Variants in KCNJ12 observed in about 807,000 individuals in gnomAD.
The protein encoded by KCNJ12 is ATP-sensitive inward rectifier potassium channel 12.
In KCNJ12, 2 loss-of-function variants were observed where a neutral mutation model predicts 22.3. The observed-to-expected ratio is 0.09, with a 90% CI of 0.04 to 0.28. The LOEUF is 0.28. Ranked by LOEUF, KCNJ12 falls within the 10% of genes least tolerant of loss-of-function variation. The pLI is 1.00. For synonymous variants in KCNJ12, 117 were observed against 261.4 expected (o/e 0.45, Z 5.33); for missense variants, 155 against 633.3 (o/e 0.24, Z 8.11).
chr17:21,386,979 A>T (rs534454898), intron 1 of KCNJ12, among the ~76,000 whole-genome samples: 1 of 152,312 alleles, frequency 6.6e-6, no homozygotes, highest in African/African-American at 2.4e-5. Flanking sequence ...CTCATGGCCA[A>T]CCCAGATATG....
chr17:21,406,579 C>G (rs1308613509), intron 1 of KCNJ12, among the ~76,000 whole-genome samples: 1 of 152,308 alleles, frequency 6.6e-6, no homozygotes, highest in Non-Finnish European at 1.5e-5. Flanking sequence ...ACTGAAGGGC[C>G]ACTAGAGACC....
In KCNJ12 at chr17:21,418,952, TGCTCTTAC is replaced by T. The variant is rs1906996300; in HGVS notation, c.*2309_*2316del. 6.0e-6 allele frequency: 1 copy of T among 166,834 alleles called. No homozygotes were observed. Among genetic ancestry groups the T allele is most frequent in the African/African-American group, 2.4e-5 (1 of 41,430 alleles). 10.3% of individuals were successfully genotyped at this position (166,834 alleles called of 1,614,324 possible). On this transcript the variant is annotated 3_prime_UTR_variant, in exon 3 of 3. Coordinates refer to ENST00000583088, the MANE Select transcript of KCNJ12 (RefSeq NM_021012.5). ...ACCTCCTGGCCCTCTTGGAGGTCTG[TGCTCTTAC>T]CTCCCAGCCCCCACCCTGCGGGAGA...
chr17:21,415,283 G>T lies in KCNJ12; in HGVS notation c.-56-4G>T. On this transcript the variant is annotated splice_polypyrimidine_tract_variant and splice_region_variant and intron_variant, in intron 2 of 2. Coordinates refer to ENST00000583088, the MANE Select transcript of KCNJ12 (RefSeq NM_021012.5). Reference sequence around the variant, plus strand: ...AGCCAGACATGCTGTCGTCTCTGTTGCAGGAGCCGCCCTGCCTGGAGCTAG... The same window carrying T: ...AGCCAGACATGCTGTCGTCTCTGTTTCAGGAGCCGCCCTGCCTGGAGCTAG... The T allele has an allele frequency of 3.2e-6, 5 of 1,567,522 alleles. No homozygotes were observed. The South Asian group carries it at 5.7e-5, about 18-fold the overall frequency.
chr17:21,398,189 A>G (rs1196760619), intron 1 of KCNJ12, among the ~76,000 whole-genome samples: 1 of 152,040 alleles, frequency 6.6e-6, no homozygotes, highest in Admixed American at 6.5e-5. Context: ...CCCCACACAA[A>G]TGTGGGCATG....
chr17:21,416,675 C>T lies in KCNJ12; in HGVS notation c.*31C>T, dbSNP rs782145049. ...CCTTGGCCGACATGCAGCATCCACCCCCGGCTGGGGAGAGGCCCCGCGGTC... is the reference window on the plus strand; with the variant it reads ...CCTTGGCCGACATGCAGCATCCACCTCCGGCTGGGGAGAGGCCCCGCGGTC... On this transcript the variant is annotated 3_prime_UTR_variant, in exon 3 of 3. Transcript: ENST00000583088. 7 of 1,555,870 alleles carry T rather than the reference C, an allele frequency of 4.5e-6. No homozygotes were observed. Among genetic ancestry groups the T allele is most frequent in the Admixed American group, 1.9e-5 (1 of 52,232 alleles).
chr17:21,392,071 T>C (rs1225078467), intron 1 of KCNJ12, among the ~76,000 whole-genome samples: 1 of 152,220 alleles, frequency 6.6e-6, no homozygotes, highest in Non-Finnish European at 1.5e-5. Context: ...GTGGGGACTT[T>C]GGGCTCCTGG....
At chr17:21,412,715 G>A (rs1313387981) in intron 2 of KCNJ12, among the ~76,000 whole-genome samples, 41 of 152,268 alleles carry the variant, frequency 2.7e-4, no homozygotes, top group African/African-American at 8.7e-4. Flanking sequence ...GCTCCTCAGC[G>A]TCATGGTGAG....
At chr17:21,394,965 A>G (rs1450335328) in intron 1 of KCNJ12, among the ~76,000 whole-genome samples, 1 of 152,206 alleles carries the variant, frequency 6.6e-6, no homozygotes, top group Non-Finnish European at 1.5e-5. Flanking sequence ...CATGGGATCC[A>G]TGGGCTGCTT....
chr17:21,394,745 G>T (rs1254385537), intron 1 of KCNJ12, among the ~76,000 whole-genome samples: 1 of 152,186 alleles, frequency 6.6e-6, no homozygotes, highest in Non-Finnish European at 1.5e-5. Flanking sequence ...AGAAACCCTG[G>T]CATAGGCACC....
intron 1 of KCNJ12, among the ~76,000 whole-genome samples, chr17:21,377,263 C>T (rs1375391978): frequency 6.6e-6 from 1 of 151,964 alleles, no homozygotes; most frequent in Non-Finnish European, 1.5e-5. Flanking sequence ...AGGGAGCGTG[C>T]GGAAGCACTC....
At chr17:21,393,115 G>A (rs1257388137) in intron 1 of KCNJ12, among the ~76,000 whole-genome samples, 1 of 152,144 alleles carries the variant, frequency 6.6e-6, no homozygotes, top group East Asian at 1.9e-4. Flanking sequence ...GCTCTCCCTT[G>A]CCCTCCCCTG....
intron 1 of KCNJ12, among the ~76,000 whole-genome samples, chr17:21,387,302 C>T (rs1409321976): frequency 2.9e-5 from 4 of 136,742 alleles, no homozygotes; most frequent in Admixed American, 1.5e-4. Flanking sequence ...ATTAGCCGGG[C>T]GTGGTGGCAG....
At chr17:21,408,426 A>T (rs1467679951) in intron 1 of KCNJ12, 93 bp from the exon 2 acceptor site, 1 of 152,464 alleles carries the variant, frequency 6.6e-6, no homozygotes, top group East Asian at 1.9e-4. Flanking sequence ...AGTGAGCAGA[A>T]ATGTGGTTTC....
chr17:21,416,276 GC>G lies in KCNJ12; in HGVS notation c.937del (p.Arg313AlafsTer51). Reference protein sequence around the residue: ...MVEATAMTTQARSSYLANEIL... With the variant: ...MVEATAMTTQXRSSYLANEIL... ...GGAGGCCACAGCCATGACCACCCAG[GC>G]CCGCAGCTCCTACCTGGCCAATGAG... On this transcript the variant is annotated frameshift_variant, in exon 3 of 3. Transcript: ENST00000583088. LOFTEE classifies it high-confidence loss of function. The G allele has an allele frequency of 6.2e-7, 1 of 1,606,624 alleles. No homozygotes were observed. Among genetic ancestry groups the G allele is most frequent in the Non-Finnish European group, 8.5e-7 (1 of 1,175,598 alleles).
At chr17:21,380,578 T>C (rs906514549) in intron 1 of KCNJ12, among the ~76,000 whole-genome samples, 11 of 151,312 alleles carry the variant, frequency 7.3e-5, no homozygotes, top group Non-Finnish European at 1.5e-4. Flanking sequence ...GCAGTAGGAA[T>C]GTGAGACTTG....
At chr17:21,415,256 C>A in intron 2 of KCNJ12, 31 bp from the exon 3 acceptor site, 3 of 1,538,872 alleles carry the variant, frequency 1.9e-6, no homozygotes, top group Non-Finnish European at 2.6e-6. Context: ...AGCCACCAGC[C>A]CAGCCAGACA....
intron 1 of KCNJ12, among the ~76,000 whole-genome samples, chr17:21,388,337 C>T (rs548147416): frequency 1.3e-5 from 2 of 152,186 alleles, no homozygotes; most frequent in African/African-American, 2.4e-5. Flanking sequence ...CCCGTGCCAG[C>T]GTTCTTGCCT....
intron 1 of KCNJ12, among the ~76,000 whole-genome samples, chr17:21,386,051 C>T (rs974188818): frequency 1.3e-5 from 2 of 152,340 alleles, no homozygotes; most frequent in South Asian, 2.1e-4. Flanking sequence ...GATCAGAGGG[C>T]GGCAAGCCAG....
At chr17:21,410,529 GC>G (rs1485042053) in intron 2 of KCNJ12, among the ~76,000 whole-genome samples, 3 of 152,302 alleles carry the variant, frequency 2.0e-5, no homozygotes, top group Non-Finnish European at 4.4e-5. Context: ...CAACGGTGAG[GC>G]TTGATCATGA....
Sources: allele counts gnomAD v4.1 joint callset (sites outside exome capture counted in the v4.1 genomes callset), GRCh38; gene constraint gnomAD v4.1.1; transcripts MANE v1.5; gene names NCBI Gene and HGNC (gene_info 2026-07-23, HGNC 2026-07-21).